PLAU: variants seen among roughly 807,000 people sequenced by gnomAD.
PLAU encodes the protein urokinase-type plasminogen activator.
In PLAU, 32 loss-of-function variants were observed where a neutral mutation model predicts 48.9. That is an observed-to-expected ratio of 0.65 (90% confidence interval 0.49 to 0.88). The LOEUF (loss-of-function observed/expected upper bound fraction) is 0.88, where lower values mean the gene tolerates loss of function less well. Ranked by LOEUF, PLAU falls within the 40% of genes least tolerant of loss-of-function variation. The probability of loss-of-function intolerance (pLI) is 0.00; values close to 1 mark genes in which losing one functional copy is unlikely to be tolerated. For missense variants in PLAU, 455 were observed against 545.2 expected, an observed-to-expected ratio of 0.83 and a Z score of 1.65; for synonymous variants, 199 against 205.7, an observed-to-expected ratio of 0.97 and a Z score of 0.28.
Position 73,914,494 on chromosome 10 carries a change from T to C in PLAU, c.830-282T>C, listed in dbSNP as rs2227582. ...ATATAGAACTTGGAGAATGGAGCCTTGGGATGGATTCCAGCCTAACTACCT... is the reference window on the plus strand; with the variant it reads ...ATATAGAACTTGGAGAATGGAGCCTCGGGATGGATTCCAGCCTAACTACCT... On this transcript the variant is annotated intron_variant, in intron 8 of 10. Transcript: ENST00000372764. Among the ~76,000 whole-genome samples the C allele has an allele frequency of 5.8e-3, 880 of 152,324 alleles. 2 individuals are homozygous for C. The highest frequency in any genetic ancestry group is 9.8e-3 in the Non-Finnish European group (669 of 68,030).
intron 9 of PLAU, 91 bp from the exon 10 acceptor site, chr10:73,915,160 T>C (rs1428711306): frequency 3.7e-6 from 5 of 1,354,116 alleles, no homozygotes; most frequent in Non-Finnish European, 5.1e-6. Context: ...GGGCCTTCCC[T>C]GGTAGAGATA....
In PLAU at chr10:73,914,098, G is replaced by C. The variant is rs986636149; in HGVS notation, c.799G>C (p.Ala267Pro). The change falls in exon 8 of 11, where the codon GCT (alanine) becomes CCT (proline). Residue 267 changes from alanine to proline, a missense_variant. Ala to Pro is a conservative substitution (Grantham distance 27). Coordinates refer to ENST00000372764, the MANE Select transcript of PLAU (RefSeq NM_002658.6). The part of the protein sequence containing the change: ...ENLILHKDYS[A>P]DTLAHHNDIA... The stretch of plus-strand genomic sequence containing the variant: ...CCTCATCCTACACAAGGACTACAGC[G>C]CTGACACGCTTGCTCACCACAACGA... 1 of 1,614,052 alleles carries C rather than the reference G, an allele frequency of 6.2e-7. No homozygotes were observed. The highest frequency in any genetic ancestry group is 1.7e-5 in the Admixed American group (1 of 60,004).
intron 5 of PLAU, 26 bp from the exon 6 acceptor site, chr10:73,913,264 C>G: frequency 1.2e-6 from 2 of 1,611,468 alleles, no homozygotes; most frequent in South Asian, 2.2e-5. Flanking sequence ...GTTGGAATGA[C>G]ATCCCCTATC....
chr10:73,912,853 A>AC, intron 4 of PLAU, 71 bp from the exon 5 acceptor site: 1 of 1,348,872 alleles, frequency 7.4e-7, no homozygotes, highest in Non-Finnish European at 1.0e-6. Flanking sequence ...CCATCTCAAA[A>AC]AAAAAAAATA....
chr10:73,915,307 C>A lies in PLAU; in HGVS notation c.1027C>A (p.Arg343=). 1 of 1,613,796 alleles carries A rather than the reference C, an allele frequency of 6.2e-7. No homozygotes were observed. Among genetic ancestry groups the A allele is most frequent in the Non-Finnish European group, 8.5e-7 (1 of 1,179,772 alleles). Reference sequence around the variant, plus strand: ...GACTGTTGTGAAGCTGATTTCCCACCGGGAGTGTCAGCAGCCCCACTACTA... The same window carrying A: ...GACTGTTGTGAAGCTGATTTCCCACAGGGAGTGTCAGCAGCCCCACTACTA... ...KMTVVKLISH[R]ECQQPHYYGS... The change falls in exon 10 of 11, where the codon CGG becomes AGG. Residue 343 remains arginine, a synonymous_variant. Coordinates refer to ENST00000372764, the MANE Select transcript of PLAU (RefSeq NM_002658.6).
In PLAU at chr10:73,911,509, TCTC is replaced by T. The variant is rs753453645; in HGVS notation, c.-31-13_-31-11del. 1.9e-5 allele frequency: 31 copies of T among 1,600,596 alleles called. No individual in the cohort carries two copies. The East Asian group carries it at 2.9e-4, about 15-fold the overall frequency. On this transcript the variant is annotated splice_polypyrimidine_tract_variant and intron_variant, in intron 1 of 10. Coordinates refer to ENST00000372764, the MANE Select transcript of PLAU (RefSeq NM_002658.6). Reference sequence around the variant, plus strand: ...CGTTCCTCCGCCTCTTGCCCTGACTTCTCCTTCCTTTGCAGAGCCGCCGTCTAG... The same window carrying T: ...CGTTCCTCCGCCTCTTGCCCTGACTTCTTCCTTTGCAGAGCCGCCGTCTAG...
chr10:73,912,824 TG>T, intron 4 of PLAU, 99 bp from the exon 5 acceptor site: 1 of 903,382 alleles, frequency 1.1e-6, no homozygotes, highest in South Asian at 1.7e-5. Context: ...GCACTCCAAC[TG>T]GGCGACAGAG....
rs951882317 is a variant in PLAU at position 73,916,510 on chromosome 10, A to C, written c.1241A>C (p.His414Pro). 1.1e-5 allele frequency: 18 copies of C among 1,613,960 alleles called. No homozygotes were observed. The highest frequency in any genetic ancestry group is 1.5e-5 in the Non-Finnish European group (18 of 1,179,960). The change falls in exon 11 of 11, where the codon CAC becomes CCC. Residue 414 changes from histidine to proline, a missense_variant. By Grantham distance (77) the His-to-Pro change is moderately conservative. Coordinates refer to ENST00000372764, the MANE Select transcript of PLAU (RefSeq NM_002658.6). ...CCAGGCGTCTACACGAGAGTCTCAC[A>C]CTTCTTACCCTGGATCCGCAGTCAC... ...DKPGVYTRVSHFLPWIRSHTK... is the reference protein window; with the variant it reads ...DKPGVYTRVSPFLPWIRSHTK...
chr10:73,909,432 G>T (rs2227551), upstream of PLAU: 99,388 of 152,070 alleles, frequency 0.65, 33,119 homozygotes, highest in Middle Eastern at 0.83. Context: ...CTATAGCATC[G>T]CTGACTCAGT....
upstream of PLAU, among the ~76,000 whole-genome samples, chr10:73,909,786 T>C (rs2096120791): frequency 6.6e-6 from 1 of 152,128 alleles, no homozygotes; most frequent in African/African-American, 2.4e-5. Context: ...TCCTACTGGG[T>C]TCAAAATGAC....
At chr10:73,915,498 C>A (rs1591618918) in intron 10 of PLAU, 99 bp downstream of exon 10, 3 of 1,167,570 alleles carry the variant, frequency 2.6e-6, no homozygotes, top group Non-Finnish European at 3.6e-6. Flanking sequence ...TAGCCAAAGC[C>A]CTAAGTAGCC....
At chr10:73,912,012 GA>G (rs2096125491) in intron 2 of PLAU, 28 bp from the exon 3 acceptor site, 1 of 1,613,890 alleles carries the variant, frequency 6.2e-7, no homozygotes, top group African/African-American at 1.3e-5. Context: ...TGGGACCTTT[GA>G]TGAAGCCTCC....
intron 8 of PLAU, 115 bp from the exon 9 acceptor site, chr10:73,914,661 C>T (rs1008832746): frequency 2.0e-6 from 2 of 994,120 alleles, no homozygotes; most frequent in Non-Finnish European, 3.0e-6. Context: ...AGCAGACCTC[C>T]CTGGATGACT....
rs1304652400 is a variant in PLAU, at chr10:73,914,769, C to T, written c.830-7C>T. On this transcript the variant is annotated splice_region_variant and splice_polypyrimidine_tract_variant and intron_variant, in intron 8 of 10. Coordinates refer to ENST00000372764, the MANE Select transcript of PLAU (RefSeq NM_002658.6). ...TCTTTCTCCTCTGACCCTCTGTCCTCCCCCAGCCTTGCTGAAGATCCGTTC... is the reference window on the plus strand; with the variant it reads ...TCTTTCTCCTCTGACCCTCTGTCCTTCCCCAGCCTTGCTGAAGATCCGTTC... 2 of 1,612,626 alleles carry T rather than the reference C, an allele frequency of 1.2e-6. No individual in the cohort carries two copies. The highest frequency in any genetic ancestry group is 1.7e-6 in the Non-Finnish European group (2 of 1,179,190).
rs748612292 is a variant in PLAU, at chr10:73,912,189, G to A, written c.86-26G>A. The A allele has an allele frequency of 5.0e-6, 8 of 1,613,934 alleles. No homozygotes were observed. In the South Asian group the frequency reaches 6.6e-5, roughly 13 times the overall value. On this transcript the variant is annotated intron_variant, in intron 3 of 10. Coordinates refer to ENST00000372764, the MANE Select transcript of PLAU (RefSeq NM_002658.6). ...CCCCTTACCACTTCCACTCCCCCTCGCTTACCCCACCTTTGTTCTCTCCAG... is the reference window on the plus strand; with the variant it reads ...CCCCTTACCACTTCCACTCCCCCTCACTTACCCCACCTTTGTTCTCTCCAG...
intron 10 of PLAU, 131 bp downstream of exon 10, chr10:73,915,530 T>C: frequency 2.3e-6 from 2 of 853,670 alleles, no homozygotes; most frequent in Middle Eastern, 3.6e-4. Flanking sequence ...CTCAGGTCTT[T>C]GAGGGTTTAA....
chr10:73,916,546 A>C lies in PLAU; in HGVS notation c.1277A>C (p.Glu426Ala). 6.2e-7 allele frequency: 1 copy of C among 1,612,330 alleles called. No homozygotes were observed. Among genetic ancestry groups the C allele is most frequent in the Non-Finnish European group, 8.5e-7 (1 of 1,178,836 alleles). ...LPWIRSHTKE[E>A]NGLAL ...TGGATCCGCAGTCACACCAAGGAAG[A>C]GAATGGCCTGGCCCTCTGAGGGTCC... The change falls in exon 11 of 11, where the codon GAG becomes GCG. Residue 426 changes from glutamate (E) to alanine (A), a missense_variant. Coordinates refer to ENST00000372764, the MANE Select transcript of PLAU (RefSeq NM_002658.6).
chr10:73,914,020 C>A lies in PLAU; in HGVS notation c.721C>A (p.Arg241Ser), dbSNP rs770663585. The part of the protein sequence containing the change: ...KKEDYIVYLG[R>S]SRLNSNTQGE... ...GGAGGACTACATCGTCTACCTGGGTCGCTCAAGGCTTAACTCCAACACGCA... is the reference window on the plus strand; with the variant it reads ...GGAGGACTACATCGTCTACCTGGGTAGCTCAAGGCTTAACTCCAACACGCA... Residue 241 changes from arginine (R) to serine (S), a missense_variant, in exon 8 of 11, where the codon CGC (arginine) becomes AGC (serine). Physicochemically the swap from Arg to Ser is moderately radical, Grantham distance 110. Coordinates refer to ENST00000372764, the MANE Select transcript of PLAU (RefSeq NM_002658.6). 1.1e-5 allele frequency: 17 copies of A among 1,613,700 alleles called. 1 individual carries two copies. In the South Asian group the frequency reaches 1.9e-4, roughly 18 times the overall value.
upstream of PLAU, chr10:73,910,902 G>C (rs1165392091): frequency 2.0e-5 from 3 of 152,464 alleles, no homozygotes; most frequent in African/African-American, 7.2e-5. Context: ...CCCCGGCCAG[G>C]TGCATGGGAG....
Sources: allele counts gnomAD v4.1 joint callset (sites outside exome capture counted in the v4.1 genomes callset), GRCh38; gene constraint gnomAD v4.1.1; transcripts MANE v1.5; gene names NCBI Gene and HGNC (gene_info 2026-07-23, HGNC 2026-07-21).